Variants in RNF38 observed in about 807,000 individuals in gnomAD.
RNF38 encodes the protein ring finger protein 38.
RNF38 carries 15 observed loss-of-function variants against 67.2 expected under a neutral mutation model. That is an observed-to-expected ratio of 0.22 (90% confidence interval 0.15 to 0.34). The LOEUF is 0.34. Ranked by LOEUF, RNF38 falls within the 10% of genes least tolerant of loss-of-function variation. The pLI is 1.00. For synonymous variants in RNF38, 220 were observed against 218.8 expected (o/e 1.01, Z -0.05); for missense variants, 524 against 639.9 (o/e 0.82, Z 1.95).
chr9:36,367,565 G>C (rs1835071554), intron 4 of RNF38, among the ~76,000 whole-genome samples: 1 of 150,730 alleles, frequency 6.6e-6, no homozygotes. Flanking sequence ...TATTCCAACA[G>C]GTTATTCTTT....
intron 1 of RNF38, among the ~76,000 whole-genome samples, chr9:36,463,142 T>C (rs2134382227): frequency 6.6e-6 from 1 of 152,308 alleles, no homozygotes; most frequent in East Asian, 1.9e-4. Context: ...TTACCACTTA[T>C]CATCCTTATG....
intron 2 of RNF38, among the ~76,000 whole-genome samples, chr9:36,410,215 A>G (rs1470858899): frequency 6.6e-6 from 1 of 152,260 alleles, no homozygotes; most frequent in African/African-American, 2.4e-5. Flanking sequence ...TAAAATTATT[A>G]AAACTTTTAG....
intron 1 of RNF38, among the ~76,000 whole-genome samples, chr9:36,479,667 T>C (rs905594186): frequency 2.0e-5 from 3 of 152,198 alleles, no homozygotes; most frequent in African/African-American, 7.2e-5. Context: ...GTGGTTGGTA[T>C]TGGCATTACT....
At chr9:36,467,337 T>C (rs1173391238) in intron 1 of RNF38, among the ~76,000 whole-genome samples, 1 of 149,520 alleles carries the variant, frequency 6.7e-6, no homozygotes, top group Non-Finnish European at 1.5e-5. Flanking sequence ...TGAAAAAAAT[T>C]AGATGTCTAC....
upstream of RNF38, chr9:36,487,607 G>T: frequency 1.0e-6 from 1 of 978,926 alleles, no homozygotes; most frequent in Non-Finnish European, 1.2e-6. Context: ...ACTCCGGCGC[G>T]GCAGGCGCTG....
At chr9:36,481,394 C>A (rs10814392) in intron 1 of RNF38, among the ~76,000 whole-genome samples, 2 of 152,108 alleles carry the variant, frequency 1.3e-5, no homozygotes, top group African/African-American at 4.8e-5. Flanking sequence ...TCCAACATCA[C>A]TGCAGTTAAC....
At chr9:36,373,297 A>G (rs1835529450) in intron 3 of RNF38, among the ~76,000 whole-genome samples, 1 of 152,260 alleles carries the variant, frequency 6.6e-6, no homozygotes, top group African/African-American at 2.4e-5. Context: ...ATAATGGAAC[A>G]TTATATCACA....
intron 2 of RNF38, among the ~76,000 whole-genome samples, chr9:36,386,740 C>T (rs1836667904): frequency 6.6e-6 from 1 of 152,224 alleles, no homozygotes; most frequent in Non-Finnish European, 1.5e-5. Context: ...CTCACTGCTA[C>T]ACTCCCACCA....
intron 1 of RNF38, among the ~76,000 whole-genome samples, chr9:36,430,393 A>T (rs1317629805): frequency 6.6e-6 from 1 of 151,982 alleles, no homozygotes; most frequent in East Asian, 1.9e-4. Context: ...TTTAGTAGAG[A>T]CGGGTTTTGC....
intron 1 of RNF38, among the ~76,000 whole-genome samples, chr9:36,393,502 TGTGTGTGTGTGTGTGTGTGTGG>T (rs1217501297): frequency 2.0e-5 from 3 of 148,588 alleles, no homozygotes; most frequent in Non-Finnish European, 3.0e-5. Flanking sequence ...TGTGTGTGTG[TGTGTGTGTGTGTGTGTGTGTGG>T]GGCAGGCAGT....
chr9:36,342,688 T>A (rs1163058585), intron 10 of RNF38, among the ~76,000 whole-genome samples: 1 of 152,158 alleles, frequency 6.6e-6, no homozygotes, highest in African/African-American at 2.4e-5. Flanking sequence ...AAAATGGTAT[T>A]AGAACTGGAT....
chr9:36,469,970 C>T (rs1310235047), intron 1 of RNF38, among the ~76,000 whole-genome samples: 7 of 152,046 alleles, frequency 4.6e-5, no homozygotes, highest in Non-Finnish European at 1.0e-4. Context: ...CAGAGTGAAA[C>T]CCTGTCTCAA....
intron 1 of RNF38, among the ~76,000 whole-genome samples, chr9:36,473,479 T>C (rs1282760048): frequency 1.3e-5 from 2 of 151,960 alleles, no homozygotes; most frequent in African/African-American, 4.8e-5. Context: ...TCCCAGCTAC[T>C]TGGGAGGCTG....
At chr9:36,386,511 C>A (rs1301989643) in intron 2 of RNF38, among the ~76,000 whole-genome samples, 1 of 152,112 alleles carries the variant, frequency 6.6e-6, no homozygotes, top group African/African-American at 2.4e-5. Flanking sequence ...TTGTTAGAGG[C>A]GTTTGAACCA....
chr9:36,343,981 T>C (rs1031598090), intron 10 of RNF38, among the ~76,000 whole-genome samples: 12 of 152,270 alleles, frequency 7.9e-5, no homozygotes, highest in African/African-American at 2.9e-4. Context: ...CACAGCTCTA[T>C]GAATATACAA....
intron 6 of RNF38, among the ~76,000 whole-genome samples, chr9:36,354,116 T>C (rs10972867): frequency 0.35 from 52,781 of 152,106 alleles, 9,227 homozygotes; most frequent in Middle Eastern, 0.47. Flanking sequence ...TCCAGAACAT[T>C]TTCATCAGCC....
intron 1 of RNF38, among the ~76,000 whole-genome samples, chr9:36,393,416 G>A (rs1837260681): frequency 1.3e-5 from 2 of 151,356 alleles, no homozygotes; most frequent in Admixed American, 1.3e-4. Context: ...AACCATAGAT[G>A]GGCTTGATTA....
At chr9:36,459,360 C>T (rs1398800818) in intron 1 of RNF38, among the ~76,000 whole-genome samples, 8 of 152,190 alleles carry the variant, frequency 5.3e-5, no homozygotes, top group Non-Finnish European at 7.3e-5. Flanking sequence ...CTAGTACTAA[C>T]ACTTCCTGGG....
intron 8 of RNF38, among the ~76,000 whole-genome samples, chr9:36,351,673 A>T (rs1207708046): frequency 6.6e-6 from 1 of 152,188 alleles, no homozygotes; most frequent in East Asian, 1.9e-4. Flanking sequence ...AAAAACTATG[A>T]CCACAGTGTG....
Sources: allele counts gnomAD v4.1 joint callset (sites outside exome capture counted in the v4.1 genomes callset), GRCh38; gene constraint gnomAD v4.1.1; transcripts MANE v1.5; gene names NCBI Gene and HGNC (gene_info 2026-07-23, HGNC 2026-07-21).